Variants in CNTN4 observed in about 807,000 individuals in gnomAD.
The protein encoded by CNTN4 is contactin-4.
A neutral mutation model predicts 122.5 loss-of-function variants in CNTN4; 77 were observed. The observed-to-expected ratio is 0.63, with a 90% CI of 0.52 to 0.76. The LOEUF (loss-of-function observed/expected upper bound fraction) is 0.76, where lower values mean the gene tolerates loss of function less well. Among genes scored for constraint, CNTN4 ranks in the 30% least tolerant of loss-of-function variants. CNTN4 has a pLI of 0.00. For missense variants in CNTN4, 1,256 were observed against 1,259.1 expected, an observed-to-expected ratio of 1.00 and a Z score of 0.04; for synonymous variants, 512 against 447.0, an observed-to-expected ratio of 1.15 and a Z score of -1.83.
intron 16 of CNTN4, among the ~76,000 whole-genome samples, chr3:3,031,980 T>C (rs1406657566): frequency 1.3e-5 from 2 of 152,176 alleles, no homozygotes; most frequent in African/African-American, 2.4e-5. Flanking sequence ...AGAGTGTTGC[T>C]GTATCCTCTA....
At chr3:2,671,819 A>C (rs2150381664) in intron 4 of CNTN4, among the ~76,000 whole-genome samples, 1 of 152,196 alleles carries the variant, frequency 6.6e-6, no homozygotes, top group East Asian at 1.9e-4. Context: ...TCCTAACAGC[A>C]AGGACCCTCA....
chr3:2,867,027 C>A, intron 8 of CNTN4, 78 bp downstream of exon 8: 1 of 1,277,228 alleles, frequency 7.8e-7, no homozygotes, highest in African/African-American at 1.5e-5. Context: ...GTTGTTGGCA[C>A]ATGAAGCTTT....
At chr3:2,433,521 T>C (rs1249247796) in intron 3 of CNTN4, among the ~76,000 whole-genome samples, 1 of 152,194 alleles carries the variant, frequency 6.6e-6, no homozygotes, top group East Asian at 1.9e-4. Flanking sequence ...ATATTTTGGA[T>C]ATTAGCCCTT....
intron 5 of CNTN4, among the ~76,000 whole-genome samples, chr3:2,742,584 C>A (rs1009117993): frequency 3.7e-5 from 5 of 133,578 alleles, no homozygotes; most frequent in African/African-American, 1.4e-4. Flanking sequence ...ACCCTCCCAG[C>A]AAAGCCACAG....
chr3:2,454,044 T>C (rs2048919475), intron 3 of CNTN4, among the ~76,000 whole-genome samples: 2 of 148,600 alleles, frequency 1.3e-5, no homozygotes, highest in African/African-American at 5.0e-5. Flanking sequence ...AGGGTAGATA[T>C]AATCAGCCCC....
intron 7 of CNTN4, among the ~76,000 whole-genome samples, chr3:2,820,041 T>C (rs952015348): frequency 6.6e-6 from 1 of 152,186 alleles, no homozygotes; most frequent in African/African-American, 2.4e-5. Flanking sequence ...GGACACCAAC[T>C]GGCTGTCCAA....
chr3:2,349,377 T>C (rs77428923), intron 3 of CNTN4, among the ~76,000 whole-genome samples: 19,353 of 152,162 alleles, frequency 0.13, 1,534 homozygotes, highest in Non-Finnish European at 0.18. Context: ...AAACAGTCTT[T>C]AGAACATTTA....
intron 4 of CNTN4, among the ~76,000 whole-genome samples, chr3:2,602,631 G>A (rs1281904111): frequency 1.3e-5 from 2 of 152,138 alleles, no homozygotes; most frequent in African/African-American, 2.4e-5. Context: ...TCATGGATAG[G>A]AAGAATCAAT....
chr3:3,032,244 C>A (rs924907257), intron 16 of CNTN4, among the ~76,000 whole-genome samples: 1 of 152,172 alleles, frequency 6.6e-6, no homozygotes, highest in African/African-American at 2.4e-5. Context: ...GGTCTGCCCT[C>A]CCCTTGGGAA....
intron 3 of CNTN4, among the ~76,000 whole-genome samples, chr3:2,383,449 G>A (rs1300865857): frequency 2.0e-5 from 3 of 151,992 alleles, no homozygotes; most frequent in African/African-American, 7.2e-5. Context: ...TTTGAAGTAC[G>A]TACTATTTAT....
chr3:2,790,936 A>T (rs983166620), intron 6 of CNTN4, among the ~76,000 whole-genome samples: 1 of 152,176 alleles, frequency 6.6e-6, no homozygotes. Flanking sequence ...ATAAGGTTCA[A>T]ATGAGCTTGG....
chr3:2,538,870 GTTCTT>G (rs2077919771), intron 3 of CNTN4, among the ~76,000 whole-genome samples: 1 of 151,378 alleles, frequency 6.6e-6, no homozygotes, highest in African/African-American at 2.4e-5. Context: ...CACCCACAAT[GTTCTT>G]TAATTTGATT....
intron 3 of CNTN4, among the ~76,000 whole-genome samples, chr3:2,489,532 A>G (rs1435504687): frequency 6.6e-6 from 1 of 152,234 alleles, no homozygotes; most frequent in Non-Finnish European, 1.5e-5. Context: ...CTTAGTTTCC[A>G]AAGTACAATG....
At chr3:3,043,501 C>A in intron 22 of CNTN4, 91 bp from the exon 23 acceptor site, 1 of 959,844 alleles carries the variant, frequency 1.0e-6, no homozygotes, top group South Asian at 1.4e-5. Flanking sequence ...CATTAAATTG[C>A]CTCCACTCTC....
At chr3:2,772,170 A>G (rs750210784) in intron 6 of CNTN4, among the ~76,000 whole-genome samples, 2 of 152,172 alleles carry the variant, frequency 1.3e-5, no homozygotes, top group Non-Finnish European at 2.9e-5. Context: ...AGAGTGGTAT[A>G]ACCAGGTTTG....
intron 2 of CNTN4, among the ~76,000 whole-genome samples, chr3:2,138,970 T>G (rs543766054): frequency 1.3e-5 from 2 of 152,290 alleles, no homozygotes; most frequent in African/African-American, 4.8e-5. Context: ...AGTTTGTATG[T>G]GTATGGTTTT....
Position 3,034,600 on chromosome 3 carries a change from G to C in CNTN4, c.1784-32G>C, listed in dbSNP as rs6765545. 708,672 of 1,608,152 alleles carry C rather than the reference G, an allele frequency of 0.44. 159,243 individuals carry two copies. Among genetic ancestry groups the C allele is most frequent in the Middle Eastern group, 0.48 (2,906 of 6,050 alleles). On this transcript the variant is annotated intron_variant, in intron 16 of 24. Transcript: ENST00000418658. ...CTTTACTTGGGTGTTTGAATACACT[G>C]CTCCAATTCTGGGGGTCTTGCTCTT...
At position 3,014,046 on chromosome 3, in the gene CNTN4, G is replaced by GCACACACACACACA. The variant is rs1559789736; in HGVS notation, c.1487-12056_1487-12055insCACACACACACACA. ...TTTATTGAGGAACAGACATTTAAAT[G>GCACACACACACACA]TACACACACACACACACACACACAC... On this transcript the variant is annotated intron_variant, in intron 14 of 24. Coordinates refer to ENST00000418658, the MANE Select transcript of CNTN4 (RefSeq NM_175607.3). Among the ~76,000 whole-genome samples, 17 of 87,812 alleles carry GCACACACACACACA rather than the reference G, an allele frequency of 1.9e-4. No individual in the cohort carries two copies. The East Asian group carries it at 5.9e-3, about 31-fold the overall frequency. The allele number at this position is 87,812 out of a possible 152,430, so 57.6% of individuals were successfully genotyped here.
At chr3:2,881,145 C>G (rs1215287206) in intron 8 of CNTN4, among the ~76,000 whole-genome samples, 1 of 152,058 alleles carries the variant, frequency 6.6e-6, no homozygotes, top group Admixed American at 6.5e-5. Flanking sequence ...CATCAGACAC[C>G]CAGGGTTGAT....
Sources: allele counts gnomAD v4.1 joint callset (sites outside exome capture counted in the v4.1 genomes callset), GRCh38; gene constraint gnomAD v4.1.1; transcripts MANE v1.5; gene names NCBI Gene and HGNC (gene_info 2026-07-23, HGNC 2026-07-21).